The following ESRRG variants were observed in gnomAD, a reference collection of about 807,000 sequenced individuals.
ESRRG encodes the protein estrogen related receptor gamma, also known as estrogen-related receptor gamma.
Under a neutral mutation model 44.0 loss-of-function variants are expected in ESRRG, and 13 were observed. The ratio of observed to expected loss-of-function variants is 0.30; its 90% CI spans 0.19 to 0.47. The LOEUF (loss-of-function observed/expected upper bound fraction) is 0.47, where lower values mean the gene tolerates loss of function less well. ESRRG is among the 20% of genes least tolerant of loss of function. The pLI is 1.00. For missense variants in ESRRG, 395 were observed against 580.6 expected (o/e 0.68, Z 3.29); for synonymous variants, 215 against 214.6 (o/e 1.00, Z -0.02).
chr1:216,720,803 A>T (rs1187984823), intron 1 of ESRRG, among the ~76,000 whole-genome samples: 1 of 152,200 alleles, frequency 6.6e-6, no homozygotes, highest in Admixed American at 6.5e-5. Context: ...TAAATTTTCA[A>T]TGTCTGGACT....
intron 2 of ESRRG, among the ~76,000 whole-genome samples, chr1:216,894,794 T>G (rs115797930): frequency 6.6e-6 from 1 of 152,120 alleles, no homozygotes; most frequent in Non-Finnish European, 1.5e-5. Context: ...GAACCAGCAT[T>G]AGCCCCTAGA....
At chr1:216,665,957 C>CT (rs1192177333) in intron 2 of ESRRG, among the ~76,000 whole-genome samples, 3 of 152,078 alleles carry the variant, frequency 2.0e-5, no homozygotes, top group Non-Finnish European at 4.4e-5. Flanking sequence ...AAGAAATTGT[C>CT]TAAGTTCATC....
At chr1:216,666,551 T>C (rs544112863) in intron 2 of ESRRG, among the ~76,000 whole-genome samples, 1 of 152,328 alleles carries the variant, frequency 6.6e-6, no homozygotes, top group African/African-American at 2.4e-5. Flanking sequence ...AGGAAAGCTA[T>C]TAGAGTGCTA....
chr1:216,629,719 A>G (rs2063791702), intron 3 of ESRRG, among the ~76,000 whole-genome samples: 1 of 152,184 alleles, frequency 6.6e-6, no homozygotes, highest in South Asian at 2.1e-4. Context: ...AGAAACAGTT[A>G]TGCAAAACTT....
intron 1 of ESRRG, among the ~76,000 whole-genome samples, chr1:217,123,876 AC>A: frequency 6.6e-6 from 1 of 152,210 alleles, no homozygotes; most frequent in East Asian, 1.9e-4. Flanking sequence ...TACGTAACAA[AC>A]CTGCACATCT....
chr1:216,536,776 G>C (rs541975783), intron 5 of ESRRG, among the ~76,000 whole-genome samples: 1 of 152,134 alleles, frequency 6.6e-6, no homozygotes, highest in South Asian at 2.1e-4. Context: ...TTTATCATGA[G>C]CTGGGCATTA....
intron 1 of ESRRG, among the ~76,000 whole-genome samples, chr1:216,711,698 C>T (rs2083632380): frequency 2.0e-5 from 3 of 152,062 alleles, no homozygotes; most frequent in East Asian, 1.9e-4. Context: ...TACTTGGCAG[C>T]TCTGTAATGA....
intron 3 of ESRRG, among the ~76,000 whole-genome samples, chr1:216,626,698 C>T (rs1235594674): frequency 6.6e-6 from 1 of 152,202 alleles, no homozygotes; most frequent in African/African-American, 2.4e-5. Context: ...TCACTTCTTT[C>T]AAGGCAGGAC....
intron 1 of ESRRG, among the ~76,000 whole-genome samples, chr1:216,686,439 CAA>C (rs58718125): frequency 6.6e-3 from 705 of 107,134 alleles, no homozygotes; most frequent in African/African-American, 0.015. Context: ...TATTGTTAAC[CAA>C]AAAAAAAAAA....
intron 2 of ESRRG, among the ~76,000 whole-genome samples, chr1:216,920,598 T>C (rs1578164699): frequency 6.6e-6 from 1 of 152,356 alleles, no homozygotes; most frequent in East Asian, 1.9e-4. Flanking sequence ...AAGAGACTTA[T>C]ATCATCTTGT....
chr1:216,505,474 A>T lies in ESRRG; in HGVS notation c.*1465T>A, dbSNP rs1361843538. 2.0e-5 allele frequency: 3 copies of T among 152,366 alleles called. No individual in the cohort carries two copies. The highest frequency in any genetic ancestry group is 3.9e-4 in the East Asian group (2 of 5,172). 9.4% of individuals were successfully genotyped at this position (152,366 alleles called of 1,614,324 possible). A position where few individuals can be genotyped will look rare whatever the true frequency, so the allele number is the denominator to read the frequency against. On this transcript the variant is annotated 3_prime_UTR_variant, in exon 7 of 7. Coordinates refer to ENST00000408911, the MANE Select transcript of ESRRG (RefSeq NM_001438.4). Reference sequence around the variant, plus strand: ...GATGATTTTTTTTTTTAATTCTGGCATTTGCCTTATTGCCTCTTAAATGAA... The same window carrying T: ...GATGATTTTTTTTTTTAATTCTGGCTTTTGCCTTATTGCCTCTTAAATGAA...
intron 2 of ESRRG, among the ~76,000 whole-genome samples, chr1:216,822,486 A>C (rs557484767): frequency 3.9e-5 from 6 of 152,338 alleles, no homozygotes; most frequent in African/African-American, 1.4e-4. Flanking sequence ...AATGCTCACA[A>C]ATCAATAAAT....
chr1:217,112,250 T>C lies in ESRRG; in HGVS notation c.-230+25417A>G, dbSNP rs373127230. ...TTTGGGGTGAGTTTTCACATAGCCA[T>C]GTATAACTACAGCAGAATTTGTTAT... On this transcript the variant is annotated intron_variant, in intron 1 of 8. Transcript: ENST00000366940. 5.8e-4 allele frequency among the ~76,000 whole-genome samples: 88 copies of C among 152,304 alleles called. 1 individual carries two copies. The South Asian group carries it at 0.017, about 30-fold the overall frequency.
chr1:217,069,127 T>C (rs755716401), intron 1 of ESRRG, among the ~76,000 whole-genome samples: 4 of 152,170 alleles, frequency 2.6e-5, no homozygotes, highest in African/African-American at 7.2e-5. Flanking sequence ...CTTAATCTGT[T>C]TGGGTACCAT....
At chr1:216,575,126 G>A (rs1484472168) in intron 3 of ESRRG, among the ~76,000 whole-genome samples, 1 of 152,114 alleles carries the variant, frequency 6.6e-6, no homozygotes, top group African/African-American at 2.4e-5. Context: ...TCCTGAGAGA[G>A]TGTACCAGTT....
chr1:216,717,130 C>T lies in ESRRG; in HGVS notation c.56+6114G>A, dbSNP rs117434476. 2.6e-5 allele frequency among the ~76,000 whole-genome samples: 4 copies of T among 151,942 alleles called. No individual in the cohort carries two copies. The East Asian group carries it at 7.7e-4, about 29-fold the overall frequency. On this transcript the variant is annotated intron_variant, in intron 1 of 6. Transcript: ENST00000408911. ...AAGGGGAAATTTGTGTATATACACA[C>T]ATATATACAACACTCAATAAATCTA...
At chr1:216,643,960 G>A (rs1257072202) in intron 3 of ESRRG, among the ~76,000 whole-genome samples, 1 of 152,142 alleles carries the variant, frequency 6.6e-6, no homozygotes, top group Non-Finnish European at 1.5e-5. Context: ...GCATGGAGCA[G>A]GAAAGACCTC....
At chr1:216,535,236 C>G (rs554280802) in intron 5 of ESRRG, among the ~76,000 whole-genome samples, 1 of 152,234 alleles carries the variant, frequency 6.6e-6, no homozygotes, top group South Asian at 2.1e-4. Flanking sequence ...AAACTTCAGG[C>G]AGTCACTGAA....
intron 2 of ESRRG, among the ~76,000 whole-genome samples, chr1:216,876,339 C>T (rs1318441401): frequency 1.3e-5 from 2 of 151,970 alleles, no homozygotes; most frequent in South Asian, 2.1e-4. Flanking sequence ...TATGAGCTAC[C>T]TTTCATTACT....
Sources: gnomAD v4.1 joint callset for allele counts (sites outside exome capture counted in the v4.1 genomes callset) on GRCh38, gnomAD v4.1.1 for gene constraint, MANE v1.5 for transcripts, NCBI Gene and HGNC (gene_info 2026-07-23, HGNC 2026-07-21) for gene names.